The following SHTN1 variants were observed in gnomAD, a reference collection of about 807,000 sequenced individuals.
SHTN1 encodes shootin 1, also known as shootin-1.
SHTN1 carries 42 observed loss-of-function variants against 83.1 expected under a neutral mutation model. That is an observed-to-expected ratio of 0.51 (90% CI 0.39 to 0.65). The LOEUF (loss-of-function observed/expected upper bound fraction) is 0.65. SHTN1 is among the 30% of genes least tolerant of loss of function. The probability of loss-of-function intolerance (pLI) is 0.00; values close to 1 mark genes in which losing one functional copy is unlikely to be tolerated. For synonymous variants in SHTN1, 224 were observed against 247.7 expected (o/e 0.90, Z 0.90); for missense variants, 622 against 737.8 (o/e 0.84, Z 1.82).
At chr10:116,981,148 G>A (rs552124148) in intron 1 of SHTN1, among the ~76,000 whole-genome samples, 32 of 152,092 alleles carry the variant, frequency 2.1e-4, no homozygotes, top group Admixed American at 1.6e-3. Flanking sequence ...GCAAAACCCC[G>A]CCTCTACAAA....
intron 2 of SHTN1, among the ~76,000 whole-genome samples, chr10:117,015,085 T>G (rs966832160): frequency 2.6e-5 from 4 of 152,170 alleles, no homozygotes; most frequent in African/African-American, 9.7e-5. Context: ...GAGGCATTTT[T>G]TTTTTCCCTG....
intron 14 of SHTN1, among the ~76,000 whole-genome samples, chr10:116,907,029 G>A (rs1420478672): frequency 6.6e-6 from 1 of 152,156 alleles, no homozygotes; most frequent in Admixed American, 6.5e-5. Context: ...ATTCATCAGT[G>A]GGAAGGTACC....
chr10:116,994,737 T>C (rs1851567739), intron 1 of SHTN1, among the ~76,000 whole-genome samples: 1 of 152,164 alleles, frequency 6.6e-6, no homozygotes, highest in Non-Finnish European at 1.5e-5. Flanking sequence ...CAGTGACCTG[T>C]GATCCTATTT....
At chr10:117,061,139 TTTTTTTTTTTTC>T (rs1852893104) in intron 1 of SHTN1, among the ~76,000 whole-genome samples, 1 of 151,656 alleles carries the variant, frequency 6.6e-6, no homozygotes, top group Non-Finnish European at 1.5e-5. Context: ...TTTAGTCTTT[TTTTTTTTTTTTC>T]TTTTTTTTTT....
At chr10:116,939,408 G>A (rs943697936) in intron 9 of SHTN1, among the ~76,000 whole-genome samples, 1 of 152,138 alleles carries the variant, frequency 6.6e-6, no homozygotes, top group Admixed American at 6.5e-5. Flanking sequence ...GGCTTCCCTT[G>A]GCTAGGAGAG....
intron 3 of SHTN1, among the ~76,000 whole-genome samples, chr10:116,963,462 T>C (rs1368001759): frequency 6.6e-6 from 1 of 152,122 alleles, no homozygotes. Flanking sequence ...CCACAATCCA[T>C]GGCCACTGTA....
At chr10:117,073,073 A>G (rs1323998699) in intron 1 of SHTN1, among the ~76,000 whole-genome samples, 1 of 152,358 alleles carries the variant, frequency 6.6e-6, no homozygotes, top group South Asian at 2.1e-4. Flanking sequence ...AATGCTCTGG[A>G]AAGTCTCAGC....
At chr10:117,049,657 C>T (rs1852714108) in intron 1 of SHTN1, among the ~76,000 whole-genome samples, 1 of 152,130 alleles carries the variant, frequency 6.6e-6, no homozygotes, top group Non-Finnish European at 1.5e-5. Context: ...TAGTCTAGTA[C>T]TATTCTGCAA....
At chr10:116,961,910 G>T (rs1850200329) in intron 3 of SHTN1, among the ~76,000 whole-genome samples, 1 of 152,170 alleles carries the variant, frequency 6.6e-6, no homozygotes, top group Admixed American at 6.5e-5. Flanking sequence ...GAATTAAATT[G>T]TATCTGCTGT....
chr10:117,050,888 AC>A (rs1301281441), intron 1 of SHTN1, among the ~76,000 whole-genome samples: 5 of 152,068 alleles, frequency 3.3e-5, no homozygotes, highest in Non-Finnish European at 7.4e-5. Flanking sequence ...CTTCGTCTCT[AC>A]AAAAAAATAA....
intron 1 of SHTN1, among the ~76,000 whole-genome samples, chr10:116,991,113 G>A (rs1851416713): frequency 6.6e-6 from 1 of 152,040 alleles, no homozygotes; most frequent in Admixed American, 6.6e-5. Flanking sequence ...TTGAACCCGG[G>A]AGGCGGAGCT....
intron 3 of SHTN1, among the ~76,000 whole-genome samples, chr10:116,967,334 T>C (rs564584069): frequency 3.8e-4 from 58 of 152,356 alleles, no homozygotes; most frequent in African/African-American, 1.3e-3. Context: ...TTTGTGGGAA[T>C]GTAACTTTCT....
At chr10:117,104,721 C>T (rs1387816615) in intron 1 of SHTN1, among the ~76,000 whole-genome samples, 1 of 152,142 alleles carries the variant, frequency 6.6e-6, no homozygotes, top group Admixed American at 6.5e-5. Flanking sequence ...TTGCAGTGAG[C>T]CGAGATCGCG....
At chr10:117,022,624 C>A (rs1189525683) in intron 2 of SHTN1, among the ~76,000 whole-genome samples, 1 of 152,114 alleles carries the variant, frequency 6.6e-6, no homozygotes, top group Admixed American at 6.6e-5. Flanking sequence ...TCATTAATAT[C>A]TTAAAACATG....
chr10:117,113,417 T>TCAAGGACATGAC (rs1168106999), intron 1 of SHTN1, among the ~76,000 whole-genome samples: 1 of 152,158 alleles, frequency 6.6e-6, no homozygotes, highest in Admixed American at 6.5e-5. Context: ...GGATTAGGTC[T>TCAAGGACATGAC]CAAGGACATG....
At chr10:117,028,754 G>A (rs1448760432) in intron 2 of SHTN1, among the ~76,000 whole-genome samples, 1 of 152,190 alleles carries the variant, frequency 6.6e-6, no homozygotes, top group Non-Finnish European at 1.5e-5. Context: ...CAAAAGTTGA[G>A]GCTTGGGAGC....
chr10:116,934,481 T>C (rs1849082851), intron 9 of SHTN1, among the ~76,000 whole-genome samples: 1 of 152,202 alleles, frequency 6.6e-6, no homozygotes, highest in Non-Finnish European at 1.5e-5. Context: ...TGGTTGTAGA[T>C]GTGTGGCATT....
Position 116,904,137 on chromosome 10 carries a change from T to C in SHTN1, c.1481-2180A>G, listed in dbSNP as rs575220841. On this transcript the variant is annotated intron_variant, in intron 15 of 16. Transcript: ENST00000355371. The stretch of plus-strand genomic sequence containing the variant: ...TCCTTTCTCTACTTGTGACTTCACA[T>C]TTACTTTCCCAAAAGCCTTTCTAGG... Among the ~76,000 whole-genome samples the C allele has an allele frequency of 1.4e-4, 21 of 152,298 alleles. 2 individuals are homozygous for C. Among genetic ancestry groups the C allele is most frequent in the African/African-American group, 5.1e-4 (21 of 41,558 alleles).
At chr10:117,060,989 A>G (rs2118206) in intron 1 of SHTN1, among the ~76,000 whole-genome samples, 99,133 of 152,016 alleles carry the variant, frequency 0.65, 36,106 homozygotes, top group Middle Eastern at 0.85. Flanking sequence ...ATGCTGAACT[A>G]GTATAGGAAT....
Sources: allele counts gnomAD v4.1 joint callset (sites outside exome capture counted in the v4.1 genomes callset), GRCh38; gene constraint gnomAD v4.1.1; transcripts MANE v1.5; gene names NCBI Gene and HGNC (gene_info 2026-07-23, HGNC 2026-07-21).